Variants in TMEM39B observed in about 807,000 individuals in gnomAD.
The protein encoded by TMEM39B is transmembrane protein 39B.
Under a neutral mutation model 52.2 loss-of-function variants are expected in TMEM39B, and 23 were observed. That is an observed-to-expected ratio of 0.44 (90% confidence interval 0.32 to 0.62). The LOEUF (loss-of-function observed/expected upper bound fraction) is 0.62, where lower values mean the gene tolerates loss of function less well. TMEM39B is among the 20% of genes least tolerant of loss of function. The pLI is 0.06. For missense variants in TMEM39B, 547 were observed against 642.0 expected (o/e 0.85, Z 1.60); for synonymous variants, 285 against 264.0 (o/e 1.08, Z -0.77).
At chr1:32,082,857 C>T (rs1480307621) in intron 5 of TMEM39B, among the ~76,000 whole-genome samples, 1 of 151,980 alleles carries the variant, frequency 6.6e-6, no homozygotes, top group Non-Finnish European at 1.5e-5. Context: ...TCACTGCAAG[C>T]TCTGCCTCCT....
At chr1:32,098,562 C>G (rs1269665226) in intron 7 of TMEM39B, among the ~76,000 whole-genome samples, 1 of 151,966 alleles carries the variant, frequency 6.6e-6, no homozygotes. Flanking sequence ...GAAACCCCGT[C>G]TCTTCTAAAA....
chr1:32,095,101 C>A, intron 7 of TMEM39B, 130 bp downstream of exon 7: 1 of 1,127,630 alleles, frequency 8.9e-7, no homozygotes, highest in Non-Finnish European at 1.2e-6. Flanking sequence ...ATTATTAGGC[C>A]AGGTGTCCAG....
chr1:32,093,009 T>TCC (rs1322157247), intron 6 of TMEM39B, among the ~76,000 whole-genome samples: 3 of 152,230 alleles, frequency 2.0e-5, no homozygotes, highest in Admixed American at 2.0e-4. Context: ...ATTTGAGTGA[T>TCC]CCCAAAAGCC....
intron 7 of TMEM39B, chr1:32,095,652 C>G (rs1640783222): frequency 6.6e-6 from 1 of 152,666 alleles, no homozygotes; most frequent in South Asian, 2.1e-4. Context: ...CCTGTATTTC[C>G]CCATTAGACT....
At chr1:32,078,242 T>C (rs1247992503) in intron 5 of TMEM39B, among the ~76,000 whole-genome samples, 1 of 152,136 alleles carries the variant, frequency 6.6e-6, no homozygotes. Context: ...CCCAGCACTT[T>C]GGAGGCCAAG....
chr1:32,084,354 G>C (rs1640247237), intron 5 of TMEM39B, among the ~76,000 whole-genome samples: 1 of 152,080 alleles, frequency 6.6e-6, no homozygotes, highest in African/African-American at 2.4e-5. Flanking sequence ...ACAGCTCTCA[G>C]CCTGGGACTT....
chr1:32,098,594 G>A (rs1162255871), intron 7 of TMEM39B, among the ~76,000 whole-genome samples: 1 of 152,090 alleles, frequency 6.6e-6, no homozygotes, highest in Non-Finnish European at 1.5e-5. Flanking sequence ...TTAGCTGGGC[G>A]CAGTGGCGGG....
chr1:32,098,787 A>G lies in TMEM39B; in HGVS notation c.1116-1655A>G, dbSNP rs1345097296. 2.0e-5 allele frequency among the ~76,000 whole-genome samples: 3 copies of G among 152,170 alleles called. 1 individual carries two copies. The highest frequency in any genetic ancestry group is 1.3e-4 in the Admixed American group (2 of 15,288). On this transcript the variant is annotated intron_variant, in intron 7 of 8. Transcript: ENST00000336294. ...GTCCTAGCATTTCATTCACATGCTC[A>G]CTAGGGCCTCTCTGTGCCAGGCCTT...
At chr1:32,100,657 T>G in intron 8 of TMEM39B, 95 bp downstream of exon 8, 1 of 1,533,632 alleles carries the variant, frequency 6.5e-7, no homozygotes, top group African/African-American at 1.4e-5. Context: ...GAAAGCTATT[T>G]TCAGTATTTC....
chr1:32,073,865 G>A, intron 1 of TMEM39B: 1 of 985,348 alleles, frequency 1.0e-6, no homozygotes, highest in Non-Finnish European at 1.2e-6. Context: ...CTGTGTTACT[G>A]TGAAGAGGTA....
intron 1 of TMEM39B, among the ~76,000 whole-genome samples, chr1:32,074,556 AT>A (rs1468217744): frequency 6.6e-6 from 1 of 152,222 alleles, no homozygotes; most frequent in Non-Finnish European, 1.5e-5. Context: ...ATATTAACAA[AT>A]GAGTAAGATA....
intron 7 of TMEM39B, 27 bp downstream of exon 7, chr1:32,094,998 A>C (rs1156790299): frequency 6.2e-7 from 1 of 1,607,074 alleles, no homozygotes; most frequent in African/African-American, 1.3e-5. Flanking sequence ...TGCTCAACCC[A>C]ATCCCAGCCC....
At chr1:32,073,369 A>T (rs1639721509) in intron 1 of TMEM39B, 6 of 338,616 alleles carry the variant, frequency 1.8e-5, no homozygotes, top group Non-Finnish European at 1.9e-5. Flanking sequence ...AAGGGTGGAG[A>T]TTCTGGGCAG....
chr1:32,075,551 C>A, intron 2 of TMEM39B, 52 bp from the exon 3 acceptor site: 3 of 1,518,064 alleles, frequency 2.0e-6, no homozygotes, highest in Non-Finnish European at 2.7e-6. Flanking sequence ...AGAAGCCCTT[C>A]CTGGTAGGAT....
At chr1:32,074,362 C>T (rs546661409) in intron 1 of TMEM39B, among the ~76,000 whole-genome samples, 9 of 152,200 alleles carry the variant, frequency 5.9e-5, no homozygotes, top group Admixed American at 3.9e-4. Context: ...GCACACGACC[C>T]AGCCACGATA....
chr1:32,100,348 A>G, intron 7 of TMEM39B, 94 bp from the exon 8 acceptor site: 1 of 1,362,480 alleles, frequency 7.3e-7, no homozygotes, highest in Non-Finnish European at 9.8e-7. Flanking sequence ...TAGAAATGGG[A>G]GTAGAGCCCT....
At chr1:32,075,547 C>A in intron 2 of TMEM39B, 56 bp from the exon 3 acceptor site, 3 of 1,509,728 alleles carry the variant, frequency 2.0e-6, no homozygotes. Context: ...CCTCAGAAGC[C>A]CTTCCTGGTA....
In TMEM39B at chr1:32,091,646, C is replaced by A. The variant is rs145738112; in HGVS notation, c.591-29C>A. The A allele has an allele frequency of 1.6e-4, 246 of 1,560,436 alleles. 2 individuals are homozygous for A. In the East Asian group the frequency reaches 5.5e-3, roughly 35 times the overall value. The stretch of plus-strand genomic sequence containing the variant: ...GTTGGGATCCTGGCCCATGGGCAGG[C>A]CTTCCCTCACCACCGTCTTCCCCAG... On this transcript the variant is annotated intron_variant, in intron 5 of 8. Coordinates refer to ENST00000336294, the MANE Select transcript of TMEM39B (RefSeq NM_018056.4).
At chr1:32,094,417 G>T (rs754702974) in intron 6 of TMEM39B, among the ~76,000 whole-genome samples, 2 of 152,086 alleles carry the variant, frequency 1.3e-5, no homozygotes, top group African/African-American at 4.8e-5. Flanking sequence ...GAGCCACTGC[G>T]CTGGGCCTAG....
Sources: gnomAD v4.1 joint callset for allele counts (sites outside exome capture counted in the v4.1 genomes callset) on GRCh38, gnomAD v4.1.1 for gene constraint, MANE v1.5 for transcripts, NCBI Gene and HGNC (gene_info 2026-07-23, HGNC 2026-07-21) for gene names.